Variants in ARHGAP45 observed in about 807,000 individuals in gnomAD.
ARHGAP45 encodes Rho GTPase activating protein 45, also known as rho GTPase-activating protein 45.
In ARHGAP45, 56 loss-of-function variants were observed where a neutral mutation model predicts 116.1. The ratio of observed to expected loss-of-function variants is 0.48; its 90% CI spans 0.39 to 0.60. The LOEUF is 0.60. Ranked by LOEUF, ARHGAP45 falls within the 20% of genes least tolerant of loss-of-function variation. The pLI is 0.00. For synonymous variants in ARHGAP45, 866 were observed against 701.7 expected, an observed-to-expected ratio of 1.23 and a Z score of -3.70; for missense variants, 1,622 against 1,601.0, an observed-to-expected ratio of 1.01 and a Z score of -0.22.
intron 3 of ARHGAP45, 33 bp from the exon 4 acceptor site, chr19:1,073,473 G>T (rs769866538): frequency 4.4e-6 from 7 of 1,603,318 alleles, no homozygotes; most frequent in Non-Finnish European, 5.1e-6. Context: ...CCCAGAGTGG[G>T]CCCACCTCCT....
chr19:1,079,937 T>C lies in ARHGAP45; in HGVS notation c.1522T>C (p.Ser508Pro), dbSNP rs752849333. ...SDQTIKSATI[S>P]YYQMMHMQTA... The stretch of plus-strand genomic sequence containing the variant: ...CCGGTGCCGCCCGCAGGCCACGATC[T>C]CCTACTACCAGATGATGCATATGCA... The change falls in exon 13 of 23, where the codon TCC becomes CCC. Residue 508 changes from serine to proline, a missense_variant. Physicochemically the swap from Ser to Pro is moderately conservative, Grantham distance 74. Coordinates refer to ENST00000313093, the MANE Select transcript of ARHGAP45 (RefSeq NM_012292.5). 14 of 1,606,358 alleles carry C rather than the reference T, an allele frequency of 8.7e-6. No individual in the cohort carries two copies. Among genetic ancestry groups the C allele is most frequent in the African/African-American group, 5.4e-5 (4 of 74,734 alleles).
chr19:1,073,201 G>A lies in ARHGAP45; in HGVS notation c.474G>A (p.Leu158=). ...CCCACGAGTGCCTGGGTGAGGCTCT[G>A]CGTGTCATGCATCAGATCATCTCCA... ...PRAHECLGEA[L]RVMHQIISKY... is the part of the protein sequence containing the mutation. The change falls in exon 3 of 23, where the codon CTG becomes CTA. Residue 158 remains leucine, a synonymous_variant. Transcript: ENST00000313093. The A allele has an allele frequency of 6.2e-7, 1 of 1,612,838 alleles. No individual in the cohort carries two copies. The highest frequency in any genetic ancestry group is 1.1e-5 in the South Asian group (1 of 91,078).
Position 1,085,931 on chromosome 19 carries a change from A to T in ARHGAP45, c.3336A>T (p.Pro1112=), listed in dbSNP as rs759138194. 6.2e-7 allele frequency: 1 copy of T among 1,612,904 alleles called. No individual in the cohort carries two copies. Among genetic ancestry groups the T allele is most frequent in the South Asian group, 1.1e-5 (1 of 91,084 alleles). ...TNQSNNVLQA[P]LPPMRLRGGR... ...AGTCCAACAACGTGCTGCAGGCCCC[A>T]CTGCCCCCCATGAGGCTCCGTGGCG... Residue 1112 remains proline (P), a synonymous_variant, in exon 23 of 23, where the codon CCA becomes CCT. Coordinates refer to ENST00000313093, the MANE Select transcript of ARHGAP45 (RefSeq NM_012292.5).
Position 1,081,716 on chromosome 19 carries a change from A to AGC in ARHGAP45, c.2359_2360dup (p.Arg788GlyfsTer15). On this transcript the variant is annotated frameshift_variant, in exon 18 of 23. Coordinates refer to ENST00000313093, the MANE Select transcript of ARHGAP45 (RefSeq NM_012292.5). LOFTEE classifies it high-confidence loss of function. ...GTCAAGAAGTGCGTCTGCGAGATCG[A>AGC]GCGGCGGGCGCTGCGCACCAAGGTG... is the stretch of plus-strand genomic sequence containing the variant. 2 of 1,573,262 alleles carry AGC rather than the reference A, an allele frequency of 1.3e-6. No homozygotes were observed. Among genetic ancestry groups the AGC allele is most frequent in the Non-Finnish European group, 1.7e-6 (2 of 1,159,452 alleles).
At position 1,083,288 on chromosome 19, in the gene ARHGAP45, G is replaced by A. The variant is rs1292183410; in HGVS notation, c.2890G>A (p.Glu964Lys). Residue 964 changes from glutamate (E) to lysine (K), a missense_variant, in exon 21 of 23, where the codon GAG (glutamate) becomes AAG (lysine). This residue lies in a region of ARHGAP45 where 1,334 missense variants were observed against 1,263.8 expected (regional missense o/e 1.06). Coordinates refer to ENST00000313093, the MANE Select transcript of ARHGAP45 (RefSeq NM_012292.5). The part of the protein sequence containing the change: ...VDYPHQARVI[E>K]TLIVHYGLVF... Reference sequence around the variant, plus strand: ...TTATCCCCATCAGGCCCGCGTCATCGAGACTCTCATCGTCCACTACGGCCT... The same window carrying A: ...TTATCCCCATCAGGCCCGCGTCATCAAGACTCTCATCGTCCACTACGGCCT... The A allele has an allele frequency of 3.2e-6, 5 of 1,587,068 alleles. No homozygotes were observed. Among genetic ancestry groups the A allele is most frequent in the African/African-American group, 2.7e-5 (2 of 74,436 alleles).
chr19:1,066,941 G>C (rs898963705), upstream of ARHGAP45, among the ~76,000 whole-genome samples: 2 of 152,194 alleles, frequency 1.3e-5, no homozygotes, highest in African/African-American at 4.8e-5. Flanking sequence ...CTGAGCGCGT[G>C]TGGAGGTCCG....
At position 1,068,389 on chromosome 19, in the gene ARHGAP45, C is replaced by T. The variant is rs1018050799; in HGVS notation, c.91-25C>T. 6.0e-6 allele frequency: 9 copies of T among 1,488,936 alleles called. No individual in the cohort carries two copies. The highest frequency in any genetic ancestry group is 2.5e-5 in the East Asian group (1 of 40,104). 92.2% of individuals were successfully genotyped at this position (1,488,936 alleles called of 1,614,324 possible). ...TGTCCAGGCCGGAAAATCCCTTTAACGAGCTCCCCTCGGACCTGCCCAAGG... is the reference window on the plus strand; with the variant it reads ...TGTCCAGGCCGGAAAATCCCTTTAATGAGCTCCCCTCGGACCTGCCCAAGG... On this transcript the variant is annotated intron_variant, in intron 1 of 22. Transcript: ENST00000313093. This position sits in a 1 kb window ranked among gnomAD's most constrained non-coding sequence, Gnocchi z 7.5.
chr19:1,079,900 C>T (rs776584809), intron 12 of ARHGAP45, 28 bp from the exon 13 acceptor site: 7 of 1,599,394 alleles, frequency 4.4e-6, no homozygotes, highest in Non-Finnish European at 6.0e-6. Context: ...CTCCTCCTGA[C>T]CCCTCCGCTC....
At chr19:1,079,179 CA>C (rs566796533) in intron 11 of ARHGAP45, among the ~76,000 whole-genome samples, 213 of 125,346 alleles carry the variant, frequency 1.7e-3, no homozygotes, top group Non-Finnish European at 1.5e-3. Flanking sequence ...GACTCTGTCT[CA>C]AAAAAAAAAA....
intron 10 of ARHGAP45, among the ~76,000 whole-genome samples, chr19:1,076,140 G>C (rs2043242534): frequency 6.6e-6 from 1 of 152,138 alleles, no homozygotes; most frequent in Non-Finnish European, 1.5e-5. Context: ...TGACAAGCTT[G>C]TGCCCCTGTC....
At position 1,067,229 on chromosome 19, in the gene ARHGAP45, C is replaced by G; in HGVS notation, c.-177C>G. 1 of 1,352,166 alleles carries G rather than the reference C, an allele frequency of 7.4e-7. No individual in the cohort carries two copies. The highest frequency in any genetic ancestry group is 9.4e-7 in the Non-Finnish European group (1 of 1,059,330). The allele number at this position is 1,352,166 out of a possible 1,614,324, so 83.8% of individuals were successfully genotyped here. A position where few individuals can be genotyped will look rare whatever the true frequency, so the allele number is the denominator to read the frequency against. ...GGGGCGAGGCCGCGTCGCCGCCTCC[C>G]CGAAGCCTTTTCCTGTTGGGGGGAG... On this transcript the variant is annotated 5_prime_UTR_variant, in exon 1 of 23. Coordinates refer to ENST00000313093, the MANE Select transcript of ARHGAP45 (RefSeq NM_012292.5).
At chr19:1,082,649 G>T in intron 19 of ARHGAP45, 191 bp from the exon 20 acceptor site, 1 of 563,556 alleles carries the variant, frequency 1.8e-6, no homozygotes, top group South Asian at 2.4e-5. Flanking sequence ...AGCTGCGGGC[G>T]TGGCCCGGGT....
chr19:1,073,079 G>A, intron 2 of ARHGAP45, 70 bp from the exon 3 acceptor site: 3 of 1,502,588 alleles, frequency 2.0e-6, no homozygotes, highest in Non-Finnish European at 2.7e-6. Context: ...GCTCTAAAGA[G>A]GGAGGAGGTG....
At position 1,067,201 on chromosome 19, in the gene ARHGAP45, T is replaced by C; in HGVS notation, c.-205T>C. ...AGCCGCAGGCTGAGGCCGGGAAGGG[T>C]CGGGGGCGAGGCCGCGTCGCCGCCT... On this transcript the variant is annotated 5_prime_UTR_variant, in exon 1 of 23. Transcript: ENST00000313093. The C allele has an allele frequency of 7.4e-7, 1 of 1,344,822 alleles. No homozygotes were observed. Among genetic ancestry groups the C allele is most frequent in the Non-Finnish European group, 9.5e-7 (1 of 1,053,642 alleles). The allele number at this position is 1,344,822 out of a possible 1,614,324, so 83.3% of individuals were successfully genotyped here. A position where few individuals can be genotyped will look rare whatever the true frequency, so the allele number is the denominator to read the frequency against.
rs113686091 is a variant in ARHGAP45 at position 1,083,450 on chromosome 19, A to G, written c.2955+97A>G. 3.6e-4 allele frequency: 398 copies of G among 1,119,302 alleles called. 4 individuals carry two copies. In the African/African-American group the frequency reaches 5.0e-3, roughly 14 times the overall value. 69.3% of individuals were successfully genotyped at this position (1,119,302 alleles called of 1,614,324 possible). ...GTTGTCGGATGAAGCCCAAGGAACC[A>G]CAGGGAGATAATTTGGTTTGGACAG... On this transcript the variant is annotated intron_variant, in intron 21 of 22. Coordinates refer to ENST00000313093, the MANE Select transcript of ARHGAP45 (RefSeq NM_012292.5).
At chr19:1,075,439 T>G (rs1403026201) in intron 10 of ARHGAP45, among the ~76,000 whole-genome samples, 1 of 151,942 alleles carries the variant, frequency 6.6e-6, no homozygotes, top group Non-Finnish European at 1.5e-5. Context: ...GAGACGGGGT[T>G]TCACCATAGT....
upstream of ARHGAP45, chr19:1,066,201 G>T (rs999557644): frequency 5.2e-6 from 8 of 1,527,838 alleles, no homozygotes; most frequent in Non-Finnish European, 7.0e-6. Flanking sequence ...AAAGAGGTTG[G>T]GGTTTTGGGA....
chr19:1,082,745 C>G (rs2043477085), intron 19 of ARHGAP45, 95 bp from the exon 20 acceptor site: 1 of 1,104,078 alleles, frequency 9.1e-7, no homozygotes, highest in African/African-American at 1.6e-5. Context: ...GTGGCCAGTG[C>G]TCTGTGGGGG....
intron 21 of ARHGAP45, among the ~76,000 whole-genome samples, 156 bp from the exon 22 acceptor site, chr19:1,084,082 G>C (rs2043525590): frequency 6.6e-6 from 1 of 152,118 alleles, no homozygotes; most frequent in Non-Finnish European, 1.5e-5. Flanking sequence ...GGTGTTTAGG[G>C]GCTGCGGTTT....
Sources: gnomAD v4.1 joint callset for allele counts (sites outside exome capture counted in the v4.1 genomes callset) on GRCh38, gnomAD v4.1.1 for gene constraint, gnomAD v4.1.1 regional missense constraint, Gnocchi (gnomAD v3.1) non-coding constraint, MANE v1.5 for transcripts, NCBI Gene and HGNC (gene_info 2026-07-23, HGNC 2026-07-21) for gene names.